Variants in FHIT observed in about 807,000 individuals in gnomAD.
FHIT encodes bis(5'-adenosyl)-triphosphatase.
In FHIT, 19 loss-of-function variants were observed where a neutral mutation model predicts 17.9. The ratio of observed to expected loss-of-function variants is 1.06; its 90% confidence interval spans 0.74 to 1.56. FHIT has a LOEUF of 1.56. Among genes scored for constraint, FHIT ranks in the 40% most tolerant of loss-of-function variants. The pLI is 0.00. For synonymous variants in FHIT, 81 were observed against 69.7 expected (o/e 1.16, Z -0.81); for missense variants, 248 against 189.2 (o/e 1.31, Z -1.82).
At position 60,364,440 on chromosome 3, in the gene FHIT, T is replaced by C. The variant is rs368658157; in HGVS notation, c.103+172420A>G. The stretch of plus-strand genomic sequence containing the variant: ...AACTTAGACAATACATTATACTGTA[T>C]ACATGTGAGACTGGCAAAATCTCAG... On this transcript the variant is annotated intron_variant, in intron 5 of 9. Transcript: ENST00000492590. Among the ~76,000 whole-genome samples, 8 of 152,374 alleles carry C rather than the reference T, an allele frequency of 5.3e-5. 1 individual carries two copies. The highest frequency in any genetic ancestry group is 2.1e-4 in the South Asian group (1 of 4,834).
intron 3 of FHIT, among the ~76,000 whole-genome samples, chr3:60,960,776 G>A (rs1268258576): frequency 1.3e-5 from 2 of 152,130 alleles, no homozygotes; most frequent in African/African-American, 4.8e-5. Flanking sequence ...CCATTTTTAT[G>A]GCTGCATAGT....
chr3:60,731,008 G>A (rs1333685258), intron 4 of FHIT, among the ~76,000 whole-genome samples: 13 of 150,928 alleles, frequency 8.6e-5, no homozygotes, highest in South Asian at 4.2e-4. Flanking sequence ...GCACGCGCCC[G>A]TAATCCCAGC....
At chr3:60,177,708 T>C (rs763003019) in intron 5 of FHIT, among the ~76,000 whole-genome samples, 4 of 152,240 alleles carry the variant, frequency 2.6e-5, no homozygotes, top group Admixed American at 6.5e-5. Flanking sequence ...TCAGCTGAGA[T>C]ATAATTATGC....
chr3:61,156,049 CA>C (rs2037525637), intron 2 of FHIT, among the ~76,000 whole-genome samples: 1 of 152,168 alleles, frequency 6.6e-6, no homozygotes, highest in African/African-American at 2.4e-5. Context: ...CTCTGTTGGA[CA>C]ACATTTCACA....
At chr3:61,236,637 A>T (rs976360755) in intron 1 of FHIT, among the ~76,000 whole-genome samples, 2 of 152,218 alleles carry the variant, frequency 1.3e-5, no homozygotes, top group African/African-American at 4.8e-5. Context: ...AGGCCCAGAG[A>T]AAAGAGACTT....
rs1464294641 is a variant in FHIT at position 60,228,543 on chromosome 3, A to G, written c.104-214391T>C. 2.0e-5 allele frequency among the ~76,000 whole-genome samples: 3 copies of G among 152,292 alleles called. No individual in the cohort carries two copies. The East Asian group carries it at 5.8e-4, about 29-fold the overall frequency. ...CACACATCCATGGCTCTGGATGGAG[A>G]TTGTCCAGGTTCAAATCCCAGCCCT... On this transcript the variant is annotated intron_variant, in intron 5 of 9. Coordinates refer to ENST00000492590, the MANE Select transcript of FHIT (RefSeq NM_002012.4).
chr3:60,165,123 G>T (rs1487285309), intron 5 of FHIT, among the ~76,000 whole-genome samples: 3 of 152,172 alleles, frequency 2.0e-5, no homozygotes, highest in African/African-American at 7.2e-5. Flanking sequence ...AAGTGATGAG[G>T]ATGATGACAA....
chr3:60,216,387 C>A (rs186428525), intron 5 of FHIT, among the ~76,000 whole-genome samples: 2 of 152,166 alleles, frequency 1.3e-5, no homozygotes, highest in Non-Finnish European at 2.9e-5. Flanking sequence ...AACTAAAATA[C>A]CAATTCAGTG....
In FHIT at chr3:60,716,468, T is replaced by A. The variant is rs536692192; in HGVS notation, c.-18+105451A>T. 5.9e-5 allele frequency among the ~76,000 whole-genome samples: 9 copies of A among 152,260 alleles called. No individual in the cohort carries two copies. In the South Asian group the frequency reaches 1.7e-3, roughly 28 times the overall value. On this transcript the variant is annotated intron_variant, in intron 4 of 9. Coordinates refer to ENST00000492590, the MANE Select transcript of FHIT (RefSeq NM_002012.4). ...TTAAGCCTACACCCGGATGGTATCA[T>A]CAATATCACTGCCTCCCACCTCCAC...
chr3:59,750,443 G>T (rs1159596479), intron 9 of FHIT: 11 of 224,216 alleles, frequency 4.9e-5, no homozygotes, highest in Non-Finnish European at 7.1e-5. Context: ...GGAACAGAAA[G>T]AGGTTTGTAG....
intron 7 of FHIT, among the ~76,000 whole-genome samples, chr3:59,962,467 G>A (rs1190537642): frequency 6.6e-6 from 1 of 152,124 alleles, no homozygotes; most frequent in Non-Finnish European, 1.5e-5. Context: ...CAAAAGTTCT[G>A]AAAAGCAGAA....
At chr3:60,850,478 C>A (rs1399829505) in intron 3 of FHIT, among the ~76,000 whole-genome samples, 1 of 152,078 alleles carries the variant, frequency 6.6e-6, no homozygotes, top group African/African-American at 2.4e-5. Flanking sequence ...CCAACTCACT[C>A]CATTACATTA....
intron 7 of FHIT, among the ~76,000 whole-genome samples, chr3:59,965,830 G>C (rs370083732): frequency 1.3e-5 from 2 of 152,088 alleles, no homozygotes; most frequent in East Asian, 1.9e-4. Flanking sequence ...GATCAGCACA[G>C]AGAAAGTTGA....
chr3:61,192,182 C>A (rs1023154133), intron 2 of FHIT, among the ~76,000 whole-genome samples: 1 of 152,148 alleles, frequency 6.6e-6, no homozygotes, highest in Non-Finnish European at 1.5e-5. Flanking sequence ...GAAATAGACA[C>A]TTTGGTAACA....
intron 5 of FHIT, among the ~76,000 whole-genome samples, chr3:60,066,630 ATTTTTTTTTTTTTTTTTTTTTTTTTTT>A (rs71089574): frequency 2.4e-3 from 122 of 51,432 alleles, no homozygotes; most frequent in East Asian, 6.7e-3. Flanking sequence ...TCCCTGACAA[ATTTTTTTTTTTTTTTTTTTTTTTTTTT>A]TTTTTTTTTT....
At chr3:60,401,306 T>C (rs151020848) in intron 5 of FHIT, among the ~76,000 whole-genome samples, 1 of 152,300 alleles carries the variant, frequency 6.6e-6, no homozygotes, top group African/African-American at 2.4e-5. Flanking sequence ...TTATTCCTCA[T>C]TTTCCACCAG....
At chr3:61,174,268 T>C (rs911573953) in intron 2 of FHIT, among the ~76,000 whole-genome samples, 1 of 152,258 alleles carries the variant, frequency 6.6e-6, no homozygotes, top group Non-Finnish European at 1.5e-5. Flanking sequence ...CCATTGCTTA[T>C]GGTCTAAAGT....
At chr3:60,757,655 G>C (rs1164025978) in intron 4 of FHIT, among the ~76,000 whole-genome samples, 1 of 152,176 alleles carries the variant, frequency 6.6e-6, no homozygotes, top group Non-Finnish European at 1.5e-5. Flanking sequence ...GACATGTGTA[G>C]TATAAGCTTC....
At chr3:60,472,126 T>G (rs2107450107) in intron 5 of FHIT, among the ~76,000 whole-genome samples, 1 of 150,304 alleles carries the variant, frequency 6.7e-6, no homozygotes, top group East Asian at 2.0e-4. Flanking sequence ...GTAACGTAAC[T>G]GCACTAGTAG....
Sources: allele counts gnomAD v4.1 joint callset (sites outside exome capture counted in the v4.1 genomes callset), GRCh38; gene constraint gnomAD v4.1.1; transcripts MANE v1.5; gene names NCBI Gene and HGNC (gene_info 2026-07-23, HGNC 2026-07-21).